The following ARHGAP10 variants were observed in gnomAD, a reference collection of about 807,000 sequenced individuals.
The protein encoded by ARHGAP10 is rho GTPase-activating protein 10.
In ARHGAP10, 87 loss-of-function variants were observed where a neutral mutation model predicts 108.6. The observed-to-expected ratio is 0.80, with a 90% CI of 0.67 to 0.96. The LOEUF (loss-of-function observed/expected upper bound fraction) is 0.96. Among genes scored for constraint, ARHGAP10 ranks in the 40% least tolerant of loss-of-function variants. The pLI is 0.00. For missense variants in ARHGAP10, 939 were observed against 954.5 expected, an observed-to-expected ratio of 0.98 and a Z score of 0.21; for synonymous variants, 347 against 341.1, an observed-to-expected ratio of 1.02 and a Z score of -0.19.
At chr4:147,866,588 C>G in intron 6 of ARHGAP10, 124 bp from the exon 7 acceptor site, 2 of 649,940 alleles carry the variant, frequency 3.1e-6, no homozygotes, top group Non-Finnish European at 5.4e-6. Flanking sequence ...AGTGACTTCC[C>G]TTTAATCAGT....
intron 1 of ARHGAP10, among the ~76,000 whole-genome samples, chr4:147,815,042 C>T (rs1732183311): frequency 6.6e-6 from 1 of 152,166 alleles, no homozygotes; most frequent in Non-Finnish European, 1.5e-5. Flanking sequence ...CTAGAGTCCA[C>T]AGTCATTAGG....
At chr4:147,780,560 G>GA (rs34061522) in intron 1 of ARHGAP10, among the ~76,000 whole-genome samples, 144,039 of 151,910 alleles carry the variant, frequency 0.95, 68,476 homozygotes, top group East Asian at 0.98. Context: ...AGGAGACTAG[G>GA]AAAAAAAGAC....
intron 1 of ARHGAP10, among the ~76,000 whole-genome samples, chr4:147,814,431 T>A (rs1307057021): frequency 6.6e-6 from 1 of 152,138 alleles, no homozygotes; most frequent in African/African-American, 2.4e-5. Context: ...ATGTTGTTAC[T>A]CCAATGGCAG....
intron 10 of ARHGAP10, among the ~76,000 whole-genome samples, chr4:147,893,236 T>G (rs1044349923): frequency 1.3e-5 from 2 of 151,876 alleles, no homozygotes; most frequent in Non-Finnish European, 2.9e-5. Flanking sequence ...TTTTTGTATT[T>G]TTAGTAGAGA....
chr4:147,941,503 C>CA (rs1378646449), intron 14 of ARHGAP10, among the ~76,000 whole-genome samples: 2 of 152,128 alleles, frequency 1.3e-5, no homozygotes, highest in Admixed American at 6.5e-5. Flanking sequence ...TCATGGGCCT[C>CA]AGAGTAGAGA....
chr4:147,986,809 G>A (rs1026949400), intron 18 of ARHGAP10, among the ~76,000 whole-genome samples: 3 of 152,170 alleles, frequency 2.0e-5, no homozygotes, highest in African/African-American at 7.2e-5. Context: ...CTTTACAAAC[G>A]GAGGAAACTG....
chr4:147,791,526 G>C (rs1731122124), intron 1 of ARHGAP10, among the ~76,000 whole-genome samples: 1 of 152,146 alleles, frequency 6.6e-6, no homozygotes, highest in South Asian at 2.1e-4. Flanking sequence ...TATTCCGTGT[G>C]TGTGTGTGCG....
intron 10 of ARHGAP10, among the ~76,000 whole-genome samples, chr4:147,905,076 GTTGT>G (rs1414580163): frequency 2.0e-5 from 3 of 151,966 alleles, no homozygotes; most frequent in South Asian, 2.1e-4. Context: ...TTTTGATGGG[GTTGT>G]TTGTTTTTTT....
chr4:148,014,724 A>G (rs536999410), intron 18 of ARHGAP10, among the ~76,000 whole-genome samples: 17 of 152,284 alleles, frequency 1.1e-4, no homozygotes, highest in African/African-American at 4.1e-4. Context: ...AAGATTGTCA[A>G]TATGCTGAAA....
intron 19 of ARHGAP10, among the ~76,000 whole-genome samples, chr4:148,035,138 A>G (rs1256153041): frequency 3.3e-5 from 5 of 152,040 alleles, no homozygotes; most frequent in South Asian, 4.1e-4. Flanking sequence ...ATTTTTTGTC[A>G]TGTGATTGGT....
chr4:147,797,746 T>A (rs1579058031), intron 1 of ARHGAP10, among the ~76,000 whole-genome samples: 2 of 152,192 alleles, frequency 1.3e-5, no homozygotes, highest in East Asian at 3.8e-4. Context: ...ATTTTTTATT[T>A]GTCACTTCGG....
intron 12 of ARHGAP10, among the ~76,000 whole-genome samples, chr4:147,912,157 G>A (rs7669783): frequency 0.15 from 22,802 of 151,736 alleles, 4,176 homozygotes; most frequent in African/African-American, 0.42. Flanking sequence ...AAAATGAATT[G>A]TAGTTATTAA....
At chr4:147,745,554 C>G (rs934919684) in intron 1 of ARHGAP10, 6 of 153,282 alleles carry the variant, frequency 3.9e-5, no homozygotes, top group African/African-American at 1.4e-4. Flanking sequence ...TGCAGTGGCG[C>G]AATCTCAGCT....
chr4:147,969,324 CT>C (rs61078731), intron 18 of ARHGAP10, among the ~76,000 whole-genome samples: 9,810 of 93,808 alleles, frequency 0.1, 251 homozygotes, highest in Non-Finnish European at 0.13. Flanking sequence ...TTTGTTTTGC[CT>C]TTTTTTTTTT....
At chr4:147,857,803 A>T in intron 5 of ARHGAP10, 149 bp downstream of exon 5, 4 of 653,548 alleles carry the variant, frequency 6.1e-6, no homozygotes. Context: ...TTAAGAAAAA[A>T]GTCCTTGTGA....
chr4:148,000,884 C>G (rs565491641), intron 18 of ARHGAP10, among the ~76,000 whole-genome samples: 1 of 152,290 alleles, frequency 6.6e-6, no homozygotes, highest in African/African-American at 2.4e-5. Flanking sequence ...GTTGCCTGTT[C>G]ACTCTGATGG....
intron 1 of ARHGAP10, among the ~76,000 whole-genome samples, chr4:147,741,691 A>G (rs1728660600): frequency 6.6e-6 from 1 of 152,018 alleles, no homozygotes; most frequent in South Asian, 2.1e-4. Flanking sequence ...CTCTTTATAA[A>G]CACATACACA....
chr4:147,813,579 G>C (rs781758807), intron 1 of ARHGAP10, among the ~76,000 whole-genome samples: 10 of 152,232 alleles, frequency 6.6e-5, no homozygotes, highest in Non-Finnish European at 1.5e-4. Context: ...AGCAAACCCA[G>C]AGTCTGACAG....
chr4:147,827,110 T>A (rs1181430361), intron 3 of ARHGAP10, among the ~76,000 whole-genome samples: 1 of 152,196 alleles, frequency 6.6e-6, no homozygotes, highest in East Asian at 1.9e-4. Context: ...TAGTAAAAGT[T>A]GAAAAGTTGG....
Sources: allele counts gnomAD v4.1 joint callset (sites outside exome capture counted in the v4.1 genomes callset), GRCh38; gene constraint gnomAD v4.1.1; transcripts MANE v1.5; gene names NCBI Gene and HGNC (gene_info 2026-07-23, HGNC 2026-07-21).